Variants in FUT4 observed in about 807,000 individuals in gnomAD.
The protein encoded by FUT4 is fucosyltransferase 4, also known as alpha-(1,3)-fucosyltransferase 4.
Under a neutral mutation model 3.8 loss-of-function variants are expected in FUT4, and 1 was observed. The ratio of observed to expected loss-of-function variants is 0.26; its 90% CI spans 0.09 to 1.25. The LOEUF is 1.25. Ranked by LOEUF, FUT4 falls within the 50% of genes most tolerant of loss-of-function variation. The probability of loss-of-function intolerance (pLI) is 0.47; values close to 1 mark genes in which losing one functional copy is unlikely to be tolerated. For missense variants in FUT4, 880 were observed against 768.2 expected, an observed-to-expected ratio of 1.15 and a Z score of -1.72; for synonymous variants, 417 against 355.3, an observed-to-expected ratio of 1.17 and a Z score of -1.95.
At position 94,545,652 on chromosome 11, in the gene FUT4, G is replaced by A; in HGVS notation, c.1519G>A (p.Val507Met). 1.2e-6 allele frequency: 2 copies of A among 1,612,840 alleles called. No homozygotes were observed. The highest frequency in any genetic ancestry group is 2.2e-5 in the South Asian group (2 of 91,090). ...TSFWDEPWCR[V>M]CQAVQRAGDR... ...CTTCTGGGACGAGCCTTGGTGCCGG[G>A]TGTGCCAGGCTGTACAGAGGGCTGG... Residue 507 changes from valine (V) to methionine (M), a missense_variant, in exon 1 of 1, where the codon GTG becomes ATG. Around this residue, in one of 3 missense-constraint regions of FUT4, gnomAD observed 424 missense variants for 400.4 expected, o/e 1.06. Coordinates refer to ENST00000358752, the MANE Select transcript of FUT4 (RefSeq NM_002033.4).
chr11:94,544,356 C>A lies in FUT4; in HGVS notation c.223C>A (p.Arg75=), dbSNP rs755684065. Residue 75 remains arginine (R), a synonymous_variant, in exon 1 of 1, where the codon CGG becomes AGG. Transcript: ENST00000358752. The part of the protein sequence containing the change: ...RHLGGAGQGP[R]PLHSGTAPFH... ...CTTGGGAGGAGCAGGGCAGGGCCCG[C>A]GGCCTTTGCATTCTGGGACCGCCCC... is the stretch of plus-strand genomic sequence containing the variant. 1 of 1,547,676 alleles carries A rather than the reference C, an allele frequency of 6.5e-7. No individual in the cohort carries two copies. Among genetic ancestry groups the A allele is most frequent in the South Asian group, 1.2e-5 (1 of 85,540 alleles).
Position 94,545,804 on chromosome 11 carries a change from T to G in FUT4, c.*78T>G. The G allele has an allele frequency of 6.7e-7, 1 of 1,488,524 alleles. No individual in the cohort carries two copies. The allele number at this position is 1,488,524 out of a possible 1,614,324, so 92.2% of individuals were successfully genotyped here. On this transcript the variant is annotated 3_prime_UTR_variant, in exon 1 of 1. Transcript: ENST00000358752. ...ATCCTCTACTGTGCATCTCCTTGAC[T>G]GCCGCATCATGGGAGTAAGTTCTTC...
Position 94,544,348 on chromosome 11 carries a change from A to G in FUT4, c.215A>G (p.Gln72Arg), listed in dbSNP as rs1310447155. 3.9e-6 allele frequency: 6 copies of G among 1,550,050 alleles called. No individual in the cohort carries two copies. The highest frequency in any genetic ancestry group is 5.2e-6 in the Non-Finnish European group (6 of 1,155,408). The change falls in exon 1 of 1, where the codon CAG becomes CGG. Residue 72 changes from glutamine (Q) to arginine (R), a missense_variant. Around this residue, in one of 3 missense-constraint regions of FUT4, gnomAD observed 447 missense variants for 339.5 expected, o/e 1.32. Coordinates refer to ENST00000358752, the MANE Select transcript of FUT4 (RefSeq NM_002033.4). ...GCCCGGCACTTGGGAGGAGCAGGGC[A>G]GGGCCCGCGGCCTTTGCATTCTGGG... Reference protein sequence around the residue: ...RPARHLGGAGQGPRPLHSGTA... With the variant: ...RPARHLGGAGRGPRPLHSGTA...
In FUT4 at chr11:94,544,938, G is replaced by C. The variant is rs1489670269; in HGVS notation, c.805G>C (p.Asp269His). The C allele has an allele frequency of 8.1e-6, 13 of 1,606,852 alleles. No individual in the cohort carries two copies. The Admixed American group carries it at 8.4e-5, about 10-fold the overall frequency. Residue 269 changes from aspartate to histidine, a missense_variant, in exon 1 of 1, where the codon GAC (aspartate) becomes CAC (histidine). By Grantham distance (81) the Asp-to-His change is moderately conservative. Transcript: ENST00000358752. Reference protein sequence around the residue: ...TAEEVDLRVLDYEEAAAAAEA... With the variant: ...TAEEVDLRVLHYEEAAAAAEA... ...CGAGGAGGTGGATCTGCGCGTGTTG[G>C]ACTACGAGGAGGCAGCGGCGGCGGC... is the stretch of plus-strand genomic sequence containing the variant.
rs771370533 is a variant in FUT4, at chr11:94,544,837, TG to T, written c.705del (p.Leu236PhefsTer8). 6.2e-7 allele frequency: 1 copy of T among 1,605,014 alleles called. No homozygotes were observed. Among genetic ancestry groups the T allele is most frequent in the South Asian group, 1.1e-5 (1 of 90,998 alleles). ...DRASYGEAQA[V>X]LFHHRDLVKG... ...GCGTCCTACGGAGAGGCTCAGGCCGTGCTTTTCCACCACCGCGACCTCGTGA... is the reference window on the plus strand; with the variant it reads ...GCGTCCTACGGAGAGGCTCAGGCCGTCTTTTCCACCACCGCGACCTCGTGA... On this transcript the variant is annotated frameshift_variant, in exon 1 of 1. Coordinates refer to ENST00000358752, the MANE Select transcript of FUT4 (RefSeq NM_002033.4). LOFTEE classifies it low-confidence loss of function (END_TRUNC).
Position 94,544,052 on chromosome 11 carries a change from C to G in FUT4, c.-82C>G. ...GCCTTCCCTCTGGAAGGCGAGGGTT[C>G]GGGCCACAGTGAGCGAGGGCCAGGG... On this transcript the variant is annotated 5_prime_UTR_variant, in exon 1 of 1. Transcript: ENST00000358752. 1 of 1,342,274 alleles carries G rather than the reference C, an allele frequency of 7.5e-7. No homozygotes were observed. Among genetic ancestry groups the G allele is most frequent in the Non-Finnish European group, 9.6e-7 (1 of 1,045,450 alleles). 83.1% of individuals were successfully genotyped at this position (1,342,274 alleles called of 1,614,324 possible).
Position 94,545,829 on chromosome 11 carries a change from C to A in FUT4, c.*103C>A. ...TGCCGCATCATGGGAGTAAGTTCTTCAAACACCCATTTTTGCTCTATGGGA... is the reference window on the plus strand; with the variant it reads ...TGCCGCATCATGGGAGTAAGTTCTTAAAACACCCATTTTTGCTCTATGGGA... On this transcript the variant is annotated 3_prime_UTR_variant, in exon 1 of 1. Coordinates refer to ENST00000358752, the MANE Select transcript of FUT4 (RefSeq NM_002033.4). 1.5e-6 allele frequency: 2 copies of A among 1,351,524 alleles called. No individual in the cohort carries two copies. Among genetic ancestry groups the A allele is most frequent in the Non-Finnish European group, 2.1e-6 (2 of 965,664 alleles). The allele number at this position is 1,351,524 out of a possible 1,614,324, so 83.7% of individuals were successfully genotyped here.
In FUT4 at chr11:94,544,856, C is replaced by T. The variant is rs1036871348; in HGVS notation, c.723C>T (p.Asp241=). Residue 241 remains aspartate, a synonymous_variant, in exon 1 of 1, where the codon GAC becomes GAT. Transcript: ENST00000358752. ...EAQAVLFHHR[D]LVKGPPDWPP... ...AGGCCGTGCTTTTCCACCACCGCGA[C>T]CTCGTGAAGGGGCCCCCCGACTGGC... 1.9e-6 allele frequency: 3 copies of T among 1,607,970 alleles called. No homozygotes were observed. The highest frequency in any genetic ancestry group is 2.5e-6 in the Non-Finnish European group (3 of 1,179,560).
chr11:94,544,729 G>T lies in FUT4; in HGVS notation c.596G>T (p.Gly199Val), dbSNP rs567818935. The T allele has an allele frequency of 1.2e-4, 183 of 1,561,492 alleles. 2 individuals carry two copies. The highest frequency in any genetic ancestry group is 8.6e-4 in the Admixed American group (46 of 53,404). The change falls in exon 1 of 1, where the codon GGG becomes GTG. Residue 199 changes from glycine to valine, a missense_variant. This residue lies in a region of FUT4 where 447 missense variants were observed against 339.5 expected (regional missense o/e 1.32). Transcript: ENST00000358752. ...VGVLLWWEPF[G>V]GRDSAPRPPP... The stretch of plus-strand genomic sequence containing the variant: ...GTGCTGCTGTGGTGGGAGCCCTTCG[G>T]GGGGCGCGATAGCGCCCCGAGGCCG...
In FUT4 at chr11:94,544,155, G is replaced by A. The variant is rs1947826925; in HGVS notation, c.22G>A (p.Ala8Thr). 1 of 1,388,850 alleles carries A rather than the reference G, an allele frequency of 7.2e-7. No homozygotes were observed. Among genetic ancestry groups the A allele is most frequent in the Non-Finnish European group, 9.3e-7 (1 of 1,073,394 alleles). The allele number at this position is 1,388,850 out of a possible 1,614,324, so 86.0% of individuals were successfully genotyped here. The change falls in exon 1 of 1, where the codon GCC (alanine) becomes ACC (threonine). Residue 8 changes from alanine (A) to threonine (T), a missense_variant. This residue lies in a region of FUT4 where 447 missense variants were observed against 339.5 expected (regional missense o/e 1.32). Transcript: ENST00000358752. Reference sequence around the variant, plus strand: ...GCGGATGAGGCGCTTGTGGGGCGCGGCCCGGAAGCCCTCGGGCGCGGGCTG... The same window carrying A: ...GCGGATGAGGCGCTTGTGGGGCGCGACCCGGAAGCCCTCGGGCGCGGGCTG... MRRLWGAARKPSGAGWEK... is the reference protein window; with the variant it reads MRRLWGATRKPSGAGWEK...
chr11:94,544,640 C>T lies in FUT4; in HGVS notation c.507C>T (p.Tyr169=), dbSNP rs766112545. ...TGACGTGTACGGCGCTGATCACCTA[C>T]GCTTGCTGGGGGCAGCTGCCGCCGC... ...AGLTCTALIT[Y]ACWGQLPPLP... Residue 169 remains tyrosine (Y), a synonymous_variant, in exon 1 of 1, where the codon TAC becomes TAT. Transcript: ENST00000358752. 1.7e-5 allele frequency: 26 copies of T among 1,513,760 alleles called. No individual in the cohort carries two copies. The highest frequency in any genetic ancestry group is 2.1e-5 in the Non-Finnish European group (24 of 1,144,406). 93.8% of individuals were successfully genotyped at this position (1,513,760 alleles called of 1,614,324 possible).
In FUT4 at chr11:94,544,174, C is replaced by G. The variant is rs1025281416; in HGVS notation, c.41C>G (p.Ala14Gly). 13 of 1,393,934 alleles carry G rather than the reference C, an allele frequency of 9.3e-6. No individual in the cohort carries two copies. Among genetic ancestry groups the G allele is most frequent in the African/African-American group, 9.2e-5 (6 of 65,348 alleles). The allele number at this position is 1,393,934 out of a possible 1,614,324, so 86.3% of individuals were successfully genotyped here. Residue 14 changes from alanine to glycine, a missense_variant, in exon 1 of 1, where the codon GCG (alanine) becomes GGG (glycine). This residue lies in a region of FUT4 where 447 missense variants were observed against 339.5 expected (regional missense o/e 1.32). Coordinates refer to ENST00000358752, the MANE Select transcript of FUT4 (RefSeq NM_002033.4). ...GGCGCGGCCCGGAAGCCCTCGGGCG[C>G]GGGCTGGGAGAAGGAGTGGGCGGAG... ...LWGAARKPSG[A>G]GWEKEWAEAP...
rs754032369 is a variant in FUT4 at position 94,544,233 on chromosome 11, C to T, written c.100C>T (p.Arg34Trp). The change falls in exon 1 of 1, where the codon CGG becomes TGG. Residue 34 changes from arginine (R) to tryptophan (W), a missense_variant. Coordinates refer to ENST00000358752, the MANE Select transcript of FUT4 (RefSeq NM_002033.4). ...GGAGGCTCCCGGGGCCTGGTCGGGC[C>T]GGCTGGGCCCCGGGCGCAGTGGAAG... ...PQEAPGAWSG[R>W]LGPGRSGRKG... 1.7e-5 allele frequency: 25 copies of T among 1,476,220 alleles called. No homozygotes were observed. The highest frequency in any genetic ancestry group is 2.5e-4 in the Middle Eastern group (1 of 4,044). The allele number at this position is 1,476,220 out of a possible 1,614,324, so 91.4% of individuals were successfully genotyped here.
chr11:94,544,295 A>C lies in FUT4; in HGVS notation c.162A>C (p.Pro54=), dbSNP rs190868751. The C allele has an allele frequency of 2.5e-3, 3,899 of 1,563,300 alleles. 79 individuals carry two copies. The African/African-American group carries it at 0.049, about 20-fold the overall frequency. Residue 54 remains proline, a synonymous_variant, in exon 1 of 1, where the codon CCA becomes CCC. Coordinates refer to ENST00000358752, the MANE Select transcript of FUT4 (RefSeq NM_002033.4). The part of the protein sequence containing the change: ...GRAVPGWASW[P]AHLALAARPA... The stretch of plus-strand genomic sequence containing the variant: ...CGGTGCCCGGTTGGGCGTCCTGGCC[A>C]GCTCACCTTGCCCTGGCGGCTCGCC...
rs1277768476 is a variant in FUT4 at position 94,544,177 on chromosome 11, G to C, written c.44G>C (p.Gly15Ala). The C allele has an allele frequency of 1.3e-5, 18 of 1,397,364 alleles. No individual in the cohort carries two copies. The African/African-American group carries it at 2.1e-4, about 17-fold the overall frequency. 86.6% of individuals were successfully genotyped at this position (1,397,364 alleles called of 1,614,324 possible). A position where few individuals can be genotyped will look rare whatever the true frequency, so the allele number is the denominator to read the frequency against. ...WGAARKPSGAGWEKEWAEAPQ... is the reference protein window; with the variant it reads ...WGAARKPSGAAWEKEWAEAPQ... ...GCGGCCCGGAAGCCCTCGGGCGCGGGCTGGGAGAAGGAGTGGGCGGAGGCG... is the reference window on the plus strand; with the variant it reads ...GCGGCCCGGAAGCCCTCGGGCGCGGCCTGGGAGAAGGAGTGGGCGGAGGCG... The change falls in exon 1 of 1, where the codon GGC becomes GCC. Residue 15 changes from glycine to alanine, a missense_variant. By Grantham distance (60) the Gly-to-Ala change is moderately conservative. Coordinates refer to ENST00000358752, the MANE Select transcript of FUT4 (RefSeq NM_002033.4).
rs1947897550 is a variant in FUT4, at chr11:94,549,020, G to C, written c.*3294G>C. The C allele has an allele frequency of 1.2e-5, 2 of 167,010 alleles. No homozygotes were observed. The highest frequency in any genetic ancestry group is 4.1e-4 in the South Asian group (2 of 4,830). The allele number at this position is 167,010 out of a possible 1,614,324, so 10.3% of individuals were successfully genotyped here. ...AAGTTACTTAAACTCTTGAGTTTTA[G>C]CTTTCTCCTTTACAATGCATGAATG... On this transcript the variant is annotated 3_prime_UTR_variant, in exon 1 of 1. Coordinates refer to ENST00000358752, the MANE Select transcript of FUT4 (RefSeq NM_002033.4).
rs1302601751 is a variant in FUT4 at position 94,545,520 on chromosome 11, C to T, written c.1387C>T (p.Pro463Ser). ...RGAFIHVDDF[P>S]SASSLASYLL... The stretch of plus-strand genomic sequence containing the variant: ...CGCCTTCATCCACGTGGACGACTTC[C>T]CAAGTGCCTCCTCCCTGGCCTCGTA... Residue 463 changes from proline to serine, a missense_variant, in exon 1 of 1, where the codon CCA (proline) becomes TCA (serine). Pro to Ser is a moderately conservative substitution (Grantham distance 74, BLOSUM62 -1). This residue lies in a region of FUT4 where 424 missense variants were observed against 400.4 expected (regional missense o/e 1.06). Coordinates refer to ENST00000358752, the MANE Select transcript of FUT4 (RefSeq NM_002033.4). 6.2e-7 allele frequency: 1 copy of T among 1,613,824 alleles called. No individual in the cohort carries two copies. The highest frequency in any genetic ancestry group is 2.2e-5 in the East Asian group (1 of 44,862).
At position 94,547,176 on chromosome 11, in the gene FUT4, C is replaced by T. The variant is rs892468114; in HGVS notation, c.*1450C>T. On this transcript the variant is annotated 3_prime_UTR_variant, in exon 1 of 1. Coordinates refer to ENST00000358752, the MANE Select transcript of FUT4 (RefSeq NM_002033.4). ...GCCCTAGGGAAGATAGAGAATTATA[C>T]AAGGCAAAGTCCTTCTCTTTAGGGC... The T allele has an allele frequency of 6.0e-6, 1 of 167,042 alleles. No homozygotes were observed. Among genetic ancestry groups the T allele is most frequent in the Admixed American group, 6.5e-5 (1 of 15,294 alleles). 10.3% of individuals were successfully genotyped at this position (167,042 alleles called of 1,614,324 possible). A position where few individuals can be genotyped will look rare whatever the true frequency, so the allele number is the denominator to read the frequency against.
Position 94,548,247 on chromosome 11 carries a change from A to T in FUT4, c.*2521A>T, listed in dbSNP as rs1318907599. ...ATTAGCATGAGGAAGGTATAATTGC[A>T]TTTTTTTTTTTTTGAGACGGAGTCT... On this transcript the variant is annotated 3_prime_UTR_variant, in exon 1 of 1. Coordinates refer to ENST00000358752, the MANE Select transcript of FUT4 (RefSeq NM_002033.4). 23 of 147,636 alleles carry T rather than the reference A, an allele frequency of 1.6e-4. No individual in the cohort carries two copies. Among genetic ancestry groups the T allele is most frequent in the Middle Eastern group, 3.6e-3 (1 of 278 alleles). 9.1% of individuals were successfully genotyped at this position (147,636 alleles called of 1,614,324 possible). A position where few individuals can be genotyped will look rare whatever the true frequency, so the allele number is the denominator to read the frequency against.
Sources: allele counts gnomAD v4.1 joint callset, GRCh38; gene constraint gnomAD v4.1.1; regional missense constraint gnomAD v4.1.1; transcripts MANE v1.5; gene names NCBI Gene and HGNC (gene_info 2026-07-23, HGNC 2026-07-21).